The following RNF130 variants were observed in gnomAD, a reference collection of about 807,000 sequenced individuals.
The protein encoded by RNF130 is ring finger protein 130, also known as E3 ubiquitin-protein ligase RNF130.
In RNF130, 21 loss-of-function variants were observed where a neutral mutation model predicts 44.6. That is an observed-to-expected ratio of 0.47 (90% confidence interval 0.33 to 0.68). The LOEUF (loss-of-function observed/expected upper bound fraction) is 0.68, where lower values mean the gene tolerates loss of function less well. Ranked by LOEUF, RNF130 falls within the 30% of genes least tolerant of loss-of-function variation. The probability of loss-of-function intolerance (pLI) is 0.02; values close to 1 mark genes in which losing one functional copy is unlikely to be tolerated. For missense variants in RNF130, 479 were observed against 560.6 expected (o/e 0.85, Z 1.47); for synonymous variants, 214 against 210.4 (o/e 1.02, Z -0.15).
intron 3 of RNF130, among the ~76,000 whole-genome samples, chr5:180,002,908 C>T (rs1259956974): frequency 6.6e-6 from 1 of 152,006 alleles, no homozygotes; most frequent in African/African-American, 2.4e-5. Context: ...CCTAAGGTAA[C>T]TCAGATCTGG....
Position 180,015,343 on chromosome 5 carries a change from C to A in RNF130, c.443-2032G>T, listed in dbSNP as rs747074323. On this transcript the variant is annotated intron_variant, in intron 2 of 8. Transcript: ENST00000521389. ...GGCTATAAAGTAACTGAGACGGATC[C>A]CACAAACGACATATGACAATCAGTC... The A allele has an allele frequency of 1.3e-5, 7 of 533,636 alleles. No homozygotes were observed. The Admixed American group carries it at 1.4e-4, about 10-fold the overall frequency. The allele number at this position is 533,636 out of a possible 1,614,324, so 33.1% of individuals were successfully genotyped here.
intron 8 of RNF130, among the ~76,000 whole-genome samples, chr5:179,959,941 T>A (rs949894630): frequency 7.2e-5 from 11 of 152,216 alleles, no homozygotes; most frequent in African/African-American, 2.7e-4. Context: ...TAGAACGTGA[T>A]TTCTATGAAT....
chr5:180,013,696 C>G (rs1021458398), intron 2 of RNF130, among the ~76,000 whole-genome samples: 17 of 152,174 alleles, frequency 1.1e-4, no homozygotes, highest in Admixed American at 1.0e-3. Flanking sequence ...AAAACCTTTT[C>G]TATTTTAAAA....
intron 4 of RNF130, 36 bp downstream of exon 4, chr5:179,980,082 AACTGCTGGATT>A: frequency 6.4e-7 from 1 of 1,558,882 alleles, no homozygotes; most frequent in South Asian, 1.1e-5. Context: ...ACAAAAACAA[AACTGCTGGATT>A]ACTTTTACGG....
At chr5:180,042,363 T>G (rs1051721507) in intron 1 of RNF130, among the ~76,000 whole-genome samples, 2 of 152,214 alleles carry the variant, frequency 1.3e-5, no homozygotes, top group African/African-American at 4.8e-5. Flanking sequence ...ATGATTGATA[T>G]TGTATACGAC....
At position 179,980,494 on chromosome 5, in the gene RNF130, G is replaced by A. The variant is rs994230975; in HGVS notation, c.694-294C>T. 4 of 347,312 alleles carry A rather than the reference G, an allele frequency of 1.2e-5. No homozygotes were observed. In the East Asian group the frequency reaches 2.5e-4, roughly 21 times the overall value. 21.5% of individuals were successfully genotyped at this position (347,312 alleles called of 1,614,324 possible). A position where few individuals can be genotyped will look rare whatever the true frequency, so the allele number is the denominator to read the frequency against. ...TGTCATAATTGCTGCATTTTGTGTC[G>A]AATAAACATTTGAAACATCACAGCA... On this transcript the variant is annotated intron_variant, in intron 3 of 8. Transcript: ENST00000521389.
chr5:180,004,054 G>A (rs897471254), intron 3 of RNF130, among the ~76,000 whole-genome samples: 4 of 152,180 alleles, frequency 2.6e-5, no homozygotes, highest in African/African-American at 4.8e-5. Context: ...TTGAGGCAGA[G>A]ATTAAATAAT....
At chr5:180,064,698 C>A (rs544130332) in intron 1 of RNF130, among the ~76,000 whole-genome samples, 15 of 152,324 alleles carry the variant, frequency 9.8e-5, no homozygotes, top group African/African-American at 3.4e-4. Flanking sequence ...GAGATGAATA[C>A]ACTGACTCCC....
intron 4 of RNF130, 56 bp downstream of exon 4, chr5:179,980,073 C>T: frequency 3.3e-6 from 5 of 1,529,296 alleles, no homozygotes; most frequent in East Asian, 4.5e-5. Flanking sequence ...TCCCACCAAA[C>T]AAAAACAAAA....
Position 180,071,496 on chromosome 5 carries a change from C to T in RNF130, c.207G>A (p.Glu69=). 7.9e-7 allele frequency: 1 copy of T among 1,271,914 alleles called. No homozygotes were observed. Among genetic ancestry groups the T allele is most frequent in the Non-Finnish European group, 9.9e-7 (1 of 1,006,270 alleles). The allele number at this position is 1,271,914 out of a possible 1,614,324, so 78.8% of individuals were successfully genotyped here. The part of the protein sequence containing the change: ...GRYGLDSPKA[E]VRGQVLAPLP... ...GCGGCGCCAGCACCTGGCCGCGGAC[C>T]TCGGCCTTGGGGGAGTCAAGCCCGT... Residue 69 remains glutamate (E), a synonymous_variant, in exon 1 of 9, where the codon GAG becomes GAA. Coordinates refer to ENST00000521389, the MANE Select transcript of RNF130 (RefSeq NM_018434.6).
intron 5 of RNF130, among the ~76,000 whole-genome samples, chr5:179,975,473 T>C (rs1762698095): frequency 6.6e-6 from 1 of 152,242 alleles, no homozygotes; most frequent in Non-Finnish European, 1.5e-5. Context: ...AATGCTGCTC[T>C]AGCTTAAAGA....
intron 1 of RNF130, among the ~76,000 whole-genome samples, chr5:180,046,806 T>A (rs1342608571): frequency 1.3e-5 from 2 of 152,228 alleles, no homozygotes; most frequent in East Asian, 3.8e-4. Context: ...CACCCTTAGG[T>A]TACATCCATC....
Position 179,998,886 on chromosome 5 carries a change from T to TATA in RNF130, c.693+14174_693+14175insTAT, listed in dbSNP as rs1389273465. Among the ~76,000 whole-genome samples the TATA allele has an allele frequency of 1.4e-3, 148 of 105,532 alleles. 1 individual carries two copies. Among genetic ancestry groups the TATA allele is most frequent in the African/African-American group, 2.7e-3 (82 of 29,998 alleles). 69.2% of individuals were successfully genotyped at this position (105,532 alleles called of 152,430 possible). A position where few individuals can be genotyped will look rare whatever the true frequency, so the allele number is the denominator to read the frequency against. On this transcript the variant is annotated intron_variant, in intron 3 of 8. Transcript: ENST00000521389. ...ATATATATATATATATATATATATG[T>TATA]TTTATATATCTGAGTGCTCCAGTGT...
chr5:180,011,097 G>A (rs186507808), intron 3 of RNF130, among the ~76,000 whole-genome samples: 22 of 152,262 alleles, frequency 1.4e-4, no homozygotes, highest in African/African-American at 5.1e-4. Context: ...TTCACAAAAC[G>A]CATATAACCT....
chr5:180,065,474 C>A (rs1188348573), intron 1 of RNF130, among the ~76,000 whole-genome samples: 1 of 152,116 alleles, frequency 6.6e-6, no homozygotes, highest in African/African-American at 2.4e-5. Context: ...AAAGTACAGG[C>A]ACTAGGCCGG....
chr5:179,967,863 C>T (rs1762485460), intron 6 of RNF130, among the ~76,000 whole-genome samples: 1 of 152,242 alleles, frequency 6.6e-6, no homozygotes, highest in African/African-American at 2.4e-5. Context: ...AGGCAGTGTA[C>T]TAAGTGATGC....
At chr5:179,945,340 A>C (rs1212362517) in intron 7 of RNF130, among the ~76,000 whole-genome samples, 1 of 152,142 alleles carries the variant, frequency 6.6e-6, no homozygotes, top group Non-Finnish European at 1.5e-5. Context: ...TCAGCTGCAA[A>C]ACCTCAGCGG....
chr5:180,065,135 T>TAA (rs34442402), intron 1 of RNF130, among the ~76,000 whole-genome samples: 85 of 147,072 alleles, frequency 5.8e-4, no homozygotes, highest in Non-Finnish European at 2.2e-4. Flanking sequence ...AGAATGAATT[T>TAA]AAAAAAAAAA....
At chr5:179,965,789 C>T (rs1400618527) in intron 7 of RNF130, among the ~76,000 whole-genome samples, 1 of 152,198 alleles carries the variant, frequency 6.6e-6, no homozygotes, top group Non-Finnish European at 1.5e-5. Context: ...TGACAGAATA[C>T]AACCTGGGCA....
Sources: gnomAD v4.1 joint callset for allele counts (sites outside exome capture counted in the v4.1 genomes callset) on GRCh38, gnomAD v4.1.1 for gene constraint, MANE v1.5 for transcripts, NCBI Gene and HGNC (gene_info 2026-07-23, HGNC 2026-07-21) for gene names.